RBP3: variants seen among roughly 807,000 people sequenced by gnomAD.
RBP3 encodes the protein retinol binding protein 3.
RBP3 carries 50 observed loss-of-function variants against 64.8 expected under a neutral mutation model. The ratio of observed to expected loss-of-function variants is 0.77; its 90% CI spans 0.61 to 0.98. RBP3 has a LOEUF of 0.98. Ranked by LOEUF, RBP3 falls within the 50% of genes least tolerant of loss-of-function variation. The pLI, the probability that RBP3 is intolerant of heterozygous loss-of-function variation, is 0.00. For synonymous variants in RBP3, 828 were observed against 730.2 expected (o/e 1.13, Z -2.16); for missense variants, 1,712 against 1,660.5 (o/e 1.03, Z -0.54).
Position 47,350,350 on chromosome 10 carries a change from CCT to C in RBP3, c.1867_1868del (p.Leu623GlyfsTer108). 6.2e-7 allele frequency: 1 copy of C among 1,612,212 alleles called. No individual in the cohort carries two copies. The highest frequency in any genetic ancestry group is 8.5e-7 in the Non-Finnish European group (1 of 1,179,966). ...PDAIVLAEEA[L>X]DKAQEVLEFH... ...ATGCCATCGTGCTGGCCGAGGAGGC[CCT>C]GGACAAAGCCCAGGAAGTGCTGGAG... On this transcript the variant is annotated frameshift_variant, in exon 1 of 4. Transcript: ENST00000584701. LOFTEE classifies it high-confidence loss of function.
At position 47,350,146 on chromosome 10, in the gene RBP3, C is replaced by T. The variant is rs1836939807; in HGVS notation, c.1662C>T (p.Phe554=). Residue 554 remains phenylalanine, a synonymous_variant, in exon 1 of 4, where the codon TTC becomes TTT. Transcript: ENST00000584701. The stretch of plus-strand genomic sequence containing the variant: ...CCACGGCCGCGGAGGAGTTCGCCTT[C>T]CTTATGCAGTCGCTGGGCTGGGCCA... ...RTATAAEEFA[F]LMQSLGWATL... is the part of the protein sequence containing the mutation. 6.2e-7 allele frequency: 1 copy of T among 1,612,778 alleles called. No individual in the cohort carries two copies. The highest frequency in any genetic ancestry group is 8.5e-7 in the Non-Finnish European group (1 of 1,180,022).
rs1555212061 is a variant in RBP3 at position 47,357,231 on chromosome 10, G to A, written c.3518G>A (p.Gly1173Glu). 2.5e-6 allele frequency: 4 copies of A among 1,614,030 alleles called. No homozygotes were observed. The highest frequency in any genetic ancestry group is 3.4e-6 in the Non-Finnish European group (4 of 1,180,030). ...CTGGTCATTGGGGAGGTGACCAGTG[G>A]GGGCTGCCAGCCACCACAGACCTAC... ...RALVIGEVTS[G>E]GCQPPQTYHV... Residue 1173 changes from glycine to glutamate, a missense_variant, in exon 4 of 4, where the codon GGG becomes GAG. By Grantham distance (98) the Gly-to-Glu change is moderately conservative (BLOSUM62 -2). Transcript: ENST00000584701.
intron 2 of RBP3, among the ~76,000 whole-genome samples, chr10:47,353,800 G>A (rs1478316416): frequency 3.3e-5 from 5 of 152,216 alleles, no homozygotes; most frequent in Admixed American, 6.5e-5. Flanking sequence ...AGGATTCAGT[G>A]GGGAGGAGAG....
chr10:47,350,869 G>A lies in RBP3; in HGVS notation c.2385G>A (p.Leu795=). The change falls in exon 1 of 4, where the codon CTG becomes CTA. Residue 795 remains leucine (L), a synonymous_variant. Transcript: ENST00000584701. Reference sequence around the variant, plus strand: ...GCAGCTACTCCACGGCCATCCCGCTGCTCTGCTCCTACTTCTTTGAGGCAG... The same window carrying A: ...GCAGCTACTCCACGGCCATCCCGCTACTCTGCTCCTACTTCTTTGAGGCAG... ...NPGSYSTAIP[L]LCSYFFEAEP... The A allele has an allele frequency of 6.2e-7, 1 of 1,612,678 alleles. No homozygotes were observed. Among genetic ancestry groups the A allele is most frequent in the Non-Finnish European group, 8.5e-7 (1 of 1,179,922 alleles).
intron 2 of RBP3, among the ~76,000 whole-genome samples, chr10:47,355,075 C>G (rs566586419): frequency 6.6e-6 from 1 of 152,164 alleles, no homozygotes; most frequent in African/African-American, 2.4e-5. Flanking sequence ...GGAAATTTAT[C>G]AACAAGTTTC....
chr10:47,349,987 CG>C lies in RBP3; in HGVS notation c.1505del (p.Gly502AlafsTer64). 6.2e-7 allele frequency: 1 copy of C among 1,612,832 alleles called. No individual in the cohort carries two copies. The highest frequency in any genetic ancestry group is 1.1e-5 in the South Asian group (1 of 91,032). On this transcript the variant is annotated frameshift_variant, in exon 1 of 4. Coordinates refer to ENST00000584701, the MANE Select transcript of RBP3 (RefSeq NM_002900.3). LOFTEE classifies it high-confidence loss of function. Reference protein sequence around the residue: ...LLSYFQGPEAGPVHLFTTYDR... With the variant: ...LLSYFQGPEAXPVHLFTTYDR... ...TGTCCTACTTCCAGGGCCCTGAGGC[CG>C]GCCCCGTGCACCTCTTCACCACCTA...
rs926459011 is a variant in RBP3, at chr10:47,349,169, G to T, written c.685G>T (p.Val229Phe). The change falls in exon 1 of 4, where the codon GTC becomes TTC. Residue 229 changes from valine (V) to phenylalanine (F), a missense_variant. Val to Phe is a conservative substitution (Grantham distance 50). Coordinates refer to ENST00000584701, the MANE Select transcript of RBP3 (RefSeq NM_002900.3). ...ERYGADKDVVVLTSSQTRGVA... is the reference protein window; with the variant it reads ...ERYGADKDVVFLTSSQTRGVA... ...GTACGGTGCCGACAAGGATGTGGTG[G>T]TCCTCACCAGCAGCCAGACCAGGGG... 2.3e-5 allele frequency: 37 copies of T among 1,613,676 alleles called. No homozygotes were observed. The highest frequency in any genetic ancestry group is 2.7e-5 in the Non-Finnish European group (32 of 1,180,052).
rs1836915233 is a variant in RBP3 at position 47,349,464 on chromosome 10, C to T, written c.980C>T (p.Pro327Leu). 1 of 1,612,748 alleles carries T rather than the reference C, an allele frequency of 6.2e-7. No homozygotes were observed. Among genetic ancestry groups the T allele is most frequent in the Non-Finnish European group, 8.5e-7 (1 of 1,180,006 alleles). ...ATCCTCACTCTGCGCAGCGCCCTTC[C>T]AGGGGTAGTCCACTGCCTCCAGGAG... ...LAILTLRSAL[P>L]GVVHCLQEVL... Residue 327 changes from proline (P) to leucine (L), a missense_variant, in exon 1 of 4, where the codon CCA becomes CTA. By Grantham distance (98) the Pro-to-Leu change is moderately conservative. Transcript: ENST00000584701.
rs1324699104 is a variant in RBP3 at position 47,351,415 on chromosome 10, A to G, written c.2931A>G (p.Ser977=). The stretch of plus-strand genomic sequence containing the variant: ...AGAGCCGCTACTCCAGGGTGACCTC[A>G]GAAGTGGCCCTAGCCGAGATCCTGG... ...GLQSRYSRVT[S]EVALAEILGA... Residue 977 remains serine (S), a synonymous_variant, in exon 1 of 4, where the codon TCA becomes TCG. Coordinates refer to ENST00000584701, the MANE Select transcript of RBP3 (RefSeq NM_002900.3). 6.2e-7 allele frequency: 1 copy of G among 1,613,594 alleles called. No individual in the cohort carries two copies. The highest frequency in any genetic ancestry group is 8.5e-7 in the Non-Finnish European group (1 of 1,180,046).
In RBP3 at chr10:47,349,561, C is replaced by T. The variant is rs781973079; in HGVS notation, c.1077C>T (p.Phe359=). The change falls in exon 1 of 4, where the codon TTC becomes TTT. Residue 359 remains phenylalanine, a synonymous_variant. Coordinates refer to ENST00000584701, the MANE Select transcript of RBP3 (RefSeq NM_002900.3). The stretch of plus-strand genomic sequence containing the variant: ...TGCAGCACTTGGCCAGCATGGACTT[C>T]TCCACGGTGGTCTCCGAGGAAGATC... The part of the protein sequence containing the change: ...TLLQHLASMD[F]STVVSEEDLV... The T allele has an allele frequency of 1.2e-6, 2 of 1,613,048 alleles. No individual in the cohort carries two copies. The highest frequency in any genetic ancestry group is 8.5e-7 in the Non-Finnish European group (1 of 1,180,010).
rs1588861312 is a variant in RBP3 at position 47,349,129 on chromosome 10, G to C, written c.645G>C (p.Gln215His). ...CCACGGAGATCTGGACCTTGCCCCAGGTCCTGGGAGAAAGGTACGGTGCCG... is the reference window on the plus strand; with the variant it reads ...CCACGGAGATCTGGACCTTGCCCCACGTCCTGGGAGAAAGGTACGGTGCCG... ...NTTTEIWTLP[Q>H]VLGERYGADK... The change falls in exon 1 of 4, where the codon CAG (glutamine) becomes CAC (histidine). Residue 215 changes from glutamine (Q) to histidine (H), a missense_variant. Coordinates refer to ENST00000584701, the MANE Select transcript of RBP3 (RefSeq NM_002900.3). 1 of 1,614,016 alleles carries C rather than the reference G, an allele frequency of 6.2e-7. No homozygotes were observed. Among genetic ancestry groups the C allele is most frequent in the Non-Finnish European group, 8.5e-7 (1 of 1,180,052 alleles).
rs1555211171 is a variant in RBP3 at position 47,349,693 on chromosome 10, T to G, written c.1209T>G (p.Ala403=). 1 of 1,611,664 alleles carries G rather than the reference T, an allele frequency of 6.2e-7. No homozygotes were observed. The highest frequency in any genetic ancestry group is 8.5e-7 in the Non-Finnish European group (1 of 1,180,016). ...TETPSWPAPD[A]AAEDSPGVAP... ...CTCCTTCTTGGCCCGCGCCCGACGC[T>G]GCAGCCGAAGACTCACCAGGGGTGG... Residue 403 remains alanine (A), a synonymous_variant, in exon 1 of 4, where the codon GCT becomes GCG. Coordinates refer to ENST00000584701, the MANE Select transcript of RBP3 (RefSeq NM_002900.3).
Position 47,348,516 on chromosome 10 carries a change from T to C in RBP3, c.32T>C (p.Val11Ala), listed in dbSNP as rs868966161. The C allele has an allele frequency of 6.2e-7, 1 of 1,608,392 alleles. No homozygotes were observed. The highest frequency in any genetic ancestry group is 1.3e-5 in the African/African-American group (1 of 75,038). Residue 11 changes from valine to alanine, a missense_variant, in exon 1 of 4, where the codon GTG becomes GCG. Physicochemically the swap from Val to Ala is moderately conservative, Grantham distance 64. Coordinates refer to ENST00000584701, the MANE Select transcript of RBP3 (RefSeq NM_002900.3). Reference protein sequence around the residue: MMREWVLLMSVLLCGLAGPTH... With the variant: MMREWVLLMSALLCGLAGPTH... ...AGAGAATGGGTTCTGCTCATGTCCG[T>C]GCTGCTCTGTGGCCTGGCTGGCCCC...
At chr10:47,353,613 G>C in intron 2 of RBP3, 98 bp downstream of exon 2, 1 of 1,437,784 alleles carries the variant, frequency 7.0e-7, no homozygotes, top group South Asian at 1.2e-5. Flanking sequence ...GGAACCCTGT[G>C]ACACAGCAGA....
Position 47,350,835 on chromosome 10 carries a change from A to G in RBP3, c.2351A>G (p.Tyr784Cys). The G allele has an allele frequency of 6.2e-7, 1 of 1,613,056 alleles. No homozygotes were observed. The highest frequency in any genetic ancestry group is 8.5e-7 in the Non-Finnish European group (1 of 1,180,020). ...GCTGCGCTGGTGATCGACCTGCGCT[A>G]CAACCCTGGCAGCTACTCCACGGCC... ...DTAALVIDLR[Y>C]NPGSYSTAIP... The change falls in exon 1 of 4, where the codon TAC (tyrosine) becomes TGC (cysteine). Residue 784 changes from tyrosine to cysteine, a missense_variant. Physicochemically the swap from Tyr to Cys is radical, Grantham distance 194. Transcript: ENST00000584701.
Position 47,353,522 on chromosome 10 carries a change from G to A in RBP3, c.3245+7G>A. 2 of 1,613,802 alleles carry A rather than the reference G, an allele frequency of 1.2e-6. No individual in the cohort carries two copies. The highest frequency in any genetic ancestry group is 1.7e-6 in the Non-Finnish European group (2 of 1,179,982). On this transcript the variant is annotated splice_region_variant and intron_variant, in intron 2 of 3. Coordinates refer to ENST00000584701, the MANE Select transcript of RBP3 (RefSeq NM_002900.3). Reference sequence around the variant, plus strand: ...CCATGATCATCGACATGAGGTCAGTGGCCAGGGGTCAGTGCTTCCTAGCCA... The same window carrying A: ...CCATGATCATCGACATGAGGTCAGTAGCCAGGGGTCAGTGCTTCCTAGCCA...
intron 3 of RBP3, 24 bp from the exon 4 acceptor site, chr10:47,357,078 C>A (rs368629056): frequency 6.2e-6 from 10 of 1,600,522 alleles, no homozygotes; most frequent in African/African-American, 2.7e-5. Flanking sequence ...TGACCCCCAT[C>A]CTGAAGGGCC....
In RBP3 at chr10:47,357,092, T is replaced by C. The variant is rs975614821; in HGVS notation, c.3389-10T>C. 2 of 1,607,278 alleles carry C rather than the reference T, an allele frequency of 1.2e-6. No individual in the cohort carries two copies. Among genetic ancestry groups the C allele is most frequent in the African/African-American group, 1.3e-5 (1 of 75,038 alleles). The stretch of plus-strand genomic sequence containing the variant: ...ATGACCCCCATCCTGAAGGGCCTTA[T>C]GTCTTCCAGGTGAACGCTATGGCTC... On this transcript the variant is annotated splice_polypyrimidine_tract_variant and intron_variant, in intron 3 of 3. Transcript: ENST00000584701.
Position 47,351,095 on chromosome 10 carries a change from C to A in RBP3, c.2611C>A (p.Pro871Thr). 3.7e-6 allele frequency: 6 copies of A among 1,612,434 alleles called. No individual in the cohort carries two copies. The highest frequency in any genetic ancestry group is 4.2e-6 in the Non-Finnish European group (5 of 1,179,996). The change falls in exon 1 of 4, where the codon CCC becomes ACC. Residue 871 changes from proline to threonine, a missense_variant. Physicochemically the swap from Pro to Thr is conservative, Grantham distance 38. Coordinates refer to ENST00000584701, the MANE Select transcript of RBP3 (RefSeq NM_002900.3). ...GCAGCGGGCCACGGTCATTGGGGAG[C>A]CCACGGCCGGAGGCGCACTCTCTGT... ...DLQRATVIGEPTAGGALSVGI... is the reference protein window; with the variant it reads ...DLQRATVIGETTAGGALSVGI...
Sources: gnomAD v4.1 joint callset for allele counts (sites outside exome capture counted in the v4.1 genomes callset) on GRCh38, gnomAD v4.1.1 for gene constraint, MANE v1.5 for transcripts, NCBI Gene and HGNC (gene_info 2026-07-23, HGNC 2026-07-21) for gene names.